PLS1: variants seen among roughly 807,000 people sequenced by gnomAD.
The protein encoded by PLS1 is plastin 1.
Under a neutral mutation model 73.7 loss-of-function variants are expected in PLS1, and 32 were observed. That is an observed-to-expected ratio of 0.43 (90% CI 0.33 to 0.58). PLS1 has a LOEUF of 0.58. PLS1 is among the 20% of genes least tolerant of loss of function. The pLI, the probability that PLS1 is intolerant of heterozygous loss-of-function variation, is 0.04. For synonymous variants in PLS1, 217 were observed against 261.3 expected (o/e 0.83, Z 1.63); for missense variants, 633 against 740.5 (o/e 0.85, Z 1.68).
In PLS1 at chr3:142,596,521, T is replaced by C. The variant is rs574193875; in HGVS notation, c.-37+12T>C. ...AGCGGTGGCGGCAGGTACGCGGGGGTGGGGATAGGGCCCAAAAGGAAGGCT... is the reference window on the plus strand; with the variant it reads ...AGCGGTGGCGGCAGGTACGCGGGGGCGGGGATAGGGCCCAAAAGGAAGGCT... On this transcript the variant is annotated intron_variant, in intron 1 of 15. Transcript: ENST00000457734. 1 of 152,050 alleles carries C rather than the reference T, an allele frequency of 6.6e-6. No homozygotes were observed. Among genetic ancestry groups the C allele is most frequent in the South Asian group, 2.1e-4 (1 of 4,794 alleles). The allele number at this position is 152,050 out of a possible 1,614,324, so 9.4% of individuals were successfully genotyped here. A position where few individuals can be genotyped will look rare whatever the true frequency, so the allele number is the denominator to read the frequency against.
At chr3:142,601,364 C>T (rs1054614660) in intron 1 of PLS1, among the ~76,000 whole-genome samples, 2 of 151,530 alleles carry the variant, frequency 1.3e-5, no homozygotes, top group African/African-American at 4.9e-5. Context: ...TTACCATGGC[C>T]CTTTGTAAAA....
chr3:142,651,985 A>G (rs189962618), intron 1 of PLS1, among the ~76,000 whole-genome samples: 34 of 152,272 alleles, frequency 2.2e-4, no homozygotes, highest in African/African-American at 7.5e-4. Flanking sequence ...TTGTAGGCTT[A>G]GAGACATGGA....
intron 1 of PLS1, among the ~76,000 whole-genome samples, chr3:142,654,567 T>G (rs2037176889): frequency 6.6e-6 from 1 of 152,202 alleles, no homozygotes; most frequent in Non-Finnish European, 1.5e-5. Context: ...TTGCCCAGGC[T>G]GGTCTTGAAC....
Position 142,712,338 on chromosome 3 carries a change from T to G in PLS1, c.*331T>G. 1 of 174,952 alleles carries G rather than the reference T, an allele frequency of 5.7e-6. No individual in the cohort carries two copies. The highest frequency in any genetic ancestry group is 2.4e-5 in the African/African-American group (1 of 42,354). 10.8% of individuals were successfully genotyped at this position (174,952 alleles called of 1,614,324 possible). On this transcript the variant is annotated 3_prime_UTR_variant, in exon 16 of 16. Transcript: ENST00000457734. Reference sequence around the variant, plus strand: ...TCAAAAAAGATGAATACAAACGTTTTTGCAGGTTCTGCTGTGAAATGTGGT... The same window carrying G: ...TCAAAAAAGATGAATACAAACGTTTGTGCAGGTTCTGCTGTGAAATGTGGT...
intron 10 of PLS1, among the ~76,000 whole-genome samples, chr3:142,693,318 G>A (rs1477541163): frequency 6.6e-6 from 1 of 152,178 alleles, no homozygotes; most frequent in Non-Finnish European, 1.5e-5. Context: ...TATCATGGGT[G>A]TGCAGGTTTA....
chr3:142,671,628 C>G (rs1019246872), intron 4 of PLS1, among the ~76,000 whole-genome samples: 1 of 152,088 alleles, frequency 6.6e-6, no homozygotes, highest in Non-Finnish European at 1.5e-5. Context: ...TTTGCTTGAT[C>G]TGATTAAACC....
chr3:142,672,493 C>T (rs984169934), intron 4 of PLS1, among the ~76,000 whole-genome samples: 57 of 151,852 alleles, frequency 3.8e-4, no homozygotes, highest in African/African-American at 1.1e-3. Context: ...CAGGTGCCCG[C>T]CAACACGCCC....
intron 8 of PLS1, 71 bp from the exon 9 acceptor site, chr3:142,686,213 C>T: frequency 1.1e-6 from 1 of 877,464 alleles, no homozygotes; most frequent in African/African-American, 1.7e-5. Context: ...TCAGTTTGAG[C>T]ACTTGTTTTC....
intron 1 of PLS1, among the ~76,000 whole-genome samples, chr3:142,641,362 GA>G (rs942780207): frequency 1.5e-4 from 22 of 147,934 alleles, no homozygotes; most frequent in Admixed American, 9.5e-4. Flanking sequence ...CAAGTATATA[GA>G]AAAAAATTAA....
At chr3:142,666,732 A>G (rs935272657) in intron 2 of PLS1, among the ~76,000 whole-genome samples, 2 of 152,330 alleles carry the variant, frequency 1.3e-5, no homozygotes, top group South Asian at 2.1e-4. Flanking sequence ...ACTGTTTTCC[A>G]TAGTGGAGGC....
At chr3:142,705,718 C>G (rs1279794854) in intron 14 of PLS1, among the ~76,000 whole-genome samples, 1 of 152,194 alleles carries the variant, frequency 6.6e-6, no homozygotes, top group Admixed American at 6.5e-5. Context: ...TGCTTAACAA[C>G]ATTGCAAAGT....
chr3:142,661,457 A>G (rs542166913), intron 1 of PLS1, among the ~76,000 whole-genome samples: 1 of 152,348 alleles, frequency 6.6e-6, no homozygotes, highest in Non-Finnish European at 1.5e-5. Context: ...ATTGTAAGAG[A>G]TAGAAATCTG....
intron 1 of PLS1, among the ~76,000 whole-genome samples, chr3:142,630,129 T>A (rs572092557): frequency 5.9e-5 from 9 of 152,084 alleles, no homozygotes; most frequent in East Asian, 3.9e-4. Flanking sequence ...GAAAAAAAAA[T>A]TTAAAATTTT....
At chr3:142,702,802 CAATT>C (rs979937316) in intron 12 of PLS1, among the ~76,000 whole-genome samples, 1 of 152,058 alleles carries the variant, frequency 6.6e-6, no homozygotes, top group Non-Finnish European at 1.5e-5. Context: ...GGAGGGTAAA[CAATT>C]TATTAGGTGT....
chr3:142,608,731 C>G (rs1031388824), intron 1 of PLS1, among the ~76,000 whole-genome samples: 2 of 152,194 alleles, frequency 1.3e-5, no homozygotes, highest in African/African-American at 4.8e-5. Flanking sequence ...TAGTATGTCT[C>G]TGTGTTTAAG....
intron 1 of PLS1, among the ~76,000 whole-genome samples, chr3:142,663,814 C>T (rs1430744333): frequency 1.3e-5 from 2 of 152,088 alleles, no homozygotes; most frequent in Non-Finnish European, 1.5e-5. Context: ...AGACATTATT[C>T]GTGTCTTAAA....
intron 1 of PLS1, among the ~76,000 whole-genome samples, chr3:142,598,855 G>C (rs987549795): frequency 6.6e-6 from 1 of 151,062 alleles, no homozygotes; most frequent in South Asian, 2.1e-4. Context: ...AAATTAGCTG[G>C]GGGGGCATGG....
chr3:142,678,042 A>C lies in PLS1; in HGVS notation c.508A>C (p.Asn170His), dbSNP rs1034133792. ...TCATTTTCTCTTTAGCAAAATGATC[A>C]ACTTATCTGAACCAGATACAATTGA... is the stretch of plus-strand genomic sequence containing the variant. ...ADGILLCKMINLSEPDTIDER... is the reference protein window; with the variant it reads ...ADGILLCKMIHLSEPDTIDER... The change falls in exon 6 of 16, where the codon AAC becomes CAC. Residue 170 changes from asparagine (N) to histidine (H), a missense_variant. Coordinates refer to ENST00000457734, the MANE Select transcript of PLS1 (RefSeq NM_001145319.2). The C allele has an allele frequency of 3.3e-6, 5 of 1,513,618 alleles. No homozygotes were observed. The highest frequency in any genetic ancestry group is 2.4e-5 in the East Asian group (1 of 40,916). 93.8% of individuals were successfully genotyped at this position (1,513,618 alleles called of 1,614,324 possible).
intron 3 of PLS1, 62 bp downstream of exon 3, chr3:142,669,615 T>C: frequency 1.8e-6 from 2 of 1,129,412 alleles, no homozygotes; most frequent in Non-Finnish European, 2.5e-6. Context: ...TGTAGTAATG[T>C]CATCACTAGC....
Sources: gnomAD v4.1 joint callset for allele counts (sites outside exome capture counted in the v4.1 genomes callset) on GRCh38, gnomAD v4.1.1 for gene constraint, MANE v1.5 for transcripts, NCBI Gene and HGNC (gene_info 2026-07-23, HGNC 2026-07-21) for gene names.